NUSAP1: variants seen among roughly 807,000 people sequenced by gnomAD.
The protein encoded by NUSAP1 is nucleolar and spindle-associated protein 1.
Under a neutral mutation model 52.8 loss-of-function variants are expected in NUSAP1, and 32 were observed. The ratio of observed to expected loss-of-function variants is 0.61; its 90% CI spans 0.46 to 0.81. The LOEUF is 0.81. Among genes scored for constraint, NUSAP1 ranks in the 40% least tolerant of loss-of-function variants. The pLI is 0.00. For synonymous variants in NUSAP1, 195 were observed against 183.1 expected, an observed-to-expected ratio of 1.06 and a Z score of -0.52; for missense variants, 499 against 522.3, an observed-to-expected ratio of 0.96 and a Z score of 0.43.
intron 1 of NUSAP1, among the ~76,000 whole-genome samples, chr15:41,340,857 G>A (rs1480407829): frequency 6.6e-6 from 1 of 152,116 alleles, no homozygotes; most frequent in Non-Finnish European, 1.5e-5. Context: ...TGGAGACTGT[G>A]GCTTAGGCTT....
Position 41,356,145 on chromosome 15 carries a change from GT to G in NUSAP1, c.550+9del. On this transcript the variant is annotated splice_donor_region_variant and intron_variant, in intron 5 of 10. Transcript: ENST00000559596. Reference sequence around the variant, plus strand: ...GAACTGCAATCACTACTCCAAGTAAGTTTTGTAGACAAAGCCATAATAAGTA... The same window carrying G: ...GAACTGCAATCACTACTCCAAGTAAGTTTGTAGACAAAGCCATAATAAGTA... The G allele has an allele frequency of 6.5e-7, 1 of 1,539,730 alleles. No homozygotes were observed. Among genetic ancestry groups the G allele is most frequent in the Non-Finnish European group, 8.9e-7 (1 of 1,120,930 alleles).
intron 8 of NUSAP1, among the ~76,000 whole-genome samples, chr15:41,372,066 C>G (rs1046428553): frequency 2.6e-5 from 4 of 152,172 alleles, no homozygotes; most frequent in African/African-American, 7.2e-5. Flanking sequence ...CTGCGCCCGG[C>G]CTGTATCTGT....
intron 4 of NUSAP1, among the ~76,000 whole-genome samples, chr15:41,355,662 TTTTTTGTTTTTG>T (rs560684365): frequency 2.2e-4 from 33 of 151,736 alleles, no homozygotes; most frequent in Non-Finnish European, 3.5e-4. Flanking sequence ...ACACGTTTTT[TTTTTTGTTTTTG>T]TTTTTGTTTT....
chr15:41,357,829 A>T (rs2049028579), intron 5 of NUSAP1, among the ~76,000 whole-genome samples: 1 of 152,214 alleles, frequency 6.6e-6, no homozygotes, highest in South Asian at 2.1e-4. Flanking sequence ...CAAATTCATT[A>T]TTAAATAAAG....
rs1455083157 is a variant in NUSAP1, at chr15:41,356,147, T to G, written c.550+7T>G. The G allele has an allele frequency of 6.5e-7, 1 of 1,527,216 alleles. No individual in the cohort carries two copies. The highest frequency in any genetic ancestry group is 2.3e-5 in the East Asian group (1 of 44,312). The allele number at this position is 1,527,216 out of a possible 1,614,324, so 94.6% of individuals were successfully genotyped here. On this transcript the variant is annotated splice_region_variant and intron_variant, in intron 5 of 10. Transcript: ENST00000559596. ...ACTGCAATCACTACTCCAAGTAAGT[T>G]TTGTAGACAAAGCCATAATAAGTAA...
Position 41,378,944 on chromosome 15 carries a change from GTTTTTTTTTTT to G in NUSAP1, c.1233-1132_1233-1122del, listed in dbSNP as rs1187469450. On this transcript the variant is annotated intron_variant, in intron 10 of 10. Coordinates refer to ENST00000559596, the MANE Select transcript of NUSAP1 (RefSeq NM_016359.5). ...CCCAAGATTATATTAACTTATCTTG[GTTTTTTTTTTT>G]TTTTTTTTTTTTTTTTGAGATGGAG... 2.2e-3 allele frequency among the ~76,000 whole-genome samples: 139 copies of G among 63,260 alleles called. 3 individuals carry two copies. The highest frequency in any genetic ancestry group is 8.8e-3 in the African/African-American group (125 of 14,276). The allele number at this position is 63,260 out of a possible 152,430, so 41.5% of individuals were successfully genotyped here.
rs758066976 is a variant in NUSAP1 at position 41,380,221 on chromosome 15, CT to C, written c.*36del. On this transcript the variant is annotated 3_prime_UTR_variant, in exon 11 of 11. Transcript: ENST00000559596. The stretch of plus-strand genomic sequence containing the variant: ...AACATCTTGTAAATATTCCTGTATT[CT>C]CAACTTTTTTCCTTTTGTAAATTTT... 7.9e-5 allele frequency: 113 copies of C among 1,437,670 alleles called. No individual in the cohort carries two copies. The highest frequency in any genetic ancestry group is 9.6e-5 in the Non-Finnish European group (102 of 1,063,642). The allele number at this position is 1,437,670 out of a possible 1,614,324, so 89.1% of individuals were successfully genotyped here.
chr15:41,379,219 G>T (rs2050114247), intron 10 of NUSAP1, among the ~76,000 whole-genome samples: 1 of 151,944 alleles, frequency 6.6e-6, no homozygotes, highest in African/African-American at 2.4e-5. Context: ...CTCCCAAAGT[G>T]CTGGGATTAC....
intron 9 of NUSAP1, among the ~76,000 whole-genome samples, chr15:41,376,970 T>C (rs931628516): frequency 5.9e-5 from 9 of 151,690 alleles, no homozygotes; most frequent in African/African-American, 1.9e-4. Context: ...CAGCTACTCA[T>C]GAGTCTAAAT....
At chr15:41,362,198 A>T (rs991977363) in intron 6 of NUSAP1, among the ~76,000 whole-genome samples, 1 of 151,984 alleles carries the variant, frequency 6.6e-6, no homozygotes, top group Non-Finnish European at 1.5e-5. Flanking sequence ...AAACAAATAC[A>T]TATATACCTA....
chr15:41,376,983 G>C (rs2049965078), intron 9 of NUSAP1, among the ~76,000 whole-genome samples: 1 of 151,824 alleles, frequency 6.6e-6, no homozygotes, highest in Non-Finnish European at 1.5e-5. Context: ...GTCTAAATTG[G>C]GAGGATCACT....
intron 7 of NUSAP1, among the ~76,000 whole-genome samples, chr15:41,368,591 T>A (rs1465675572): frequency 6.6e-6 from 1 of 152,148 alleles, no homozygotes; most frequent in Non-Finnish European, 1.5e-5. Context: ...TAGATCAAAG[T>A]CTTCAGATTA....
chr15:41,367,226 G>A (rs1034683617), intron 7 of NUSAP1, among the ~76,000 whole-genome samples: 3 of 152,198 alleles, frequency 2.0e-5, no homozygotes, highest in Non-Finnish European at 4.4e-5. Flanking sequence ...CTCTGCAGGG[G>A]TGAGGCATCT....
chr15:41,357,098 G>A (rs1484134893), intron 5 of NUSAP1, among the ~76,000 whole-genome samples: 1 of 152,036 alleles, frequency 6.6e-6, no homozygotes, highest in Non-Finnish European at 1.5e-5. Context: ...GCCGGGTGCG[G>A]TTCTCACACC....
At chr15:41,356,654 A>G (rs1489444950) in intron 5 of NUSAP1, among the ~76,000 whole-genome samples, 3 of 152,202 alleles carry the variant, frequency 2.0e-5, no homozygotes, top group African/African-American at 7.2e-5. Flanking sequence ...TGCCTGGCCT[A>G]TAGTACCTAT....
At chr15:41,338,261 A>G (rs1257305544) in intron 1 of NUSAP1, among the ~76,000 whole-genome samples, 1 of 151,848 alleles carries the variant, frequency 6.6e-6, no homozygotes, top group Non-Finnish European at 1.5e-5. Context: ...AATTTACCCA[A>G]AAGCTAATGC....
chr15:41,360,289 C>T (rs1399328690), intron 6 of NUSAP1, among the ~76,000 whole-genome samples: 1 of 151,532 alleles, frequency 6.6e-6, no homozygotes, highest in Non-Finnish European at 1.5e-5. Flanking sequence ...CAGGCAACCA[C>T]CACCACACCC....
intron 4 of NUSAP1, among the ~76,000 whole-genome samples, chr15:41,351,455 GTCT>G (rs1261302864): frequency 1.3e-5 from 2 of 152,118 alleles, no homozygotes; most frequent in Non-Finnish European, 2.9e-5. Flanking sequence ...CTCTCTCTAT[GTCT>G]TCTTAATAGG....
intron 4 of NUSAP1, among the ~76,000 whole-genome samples, chr15:41,353,846 A>G (rs1449909233): frequency 1.3e-5 from 2 of 152,068 alleles, no homozygotes; most frequent in Admixed American, 1.3e-4. Context: ...TATGCACCCT[A>G]CACTTCAGCA....
Sources: gnomAD v4.1 joint callset for allele counts (sites outside exome capture counted in the v4.1 genomes callset) on GRCh38, gnomAD v4.1.1 for gene constraint, MANE v1.5 for transcripts, NCBI Gene and HGNC (gene_info 2026-07-23, HGNC 2026-07-21) for gene names.